Variants in RTTN observed in about 807,000 individuals in gnomAD.
RTTN encodes rotatin.
A neutral mutation model predicts 269.2 loss-of-function variants in RTTN; 182 were observed. The ratio of observed to expected loss-of-function variants is 0.68; its 90% CI spans 0.60 to 0.76. The LOEUF is 0.76. Among genes scored for constraint, RTTN ranks in the 30% least tolerant of loss-of-function variants. The pLI is 0.00. For synonymous variants in RTTN, 1,006 were observed against 963.5 expected (o/e 1.04, Z -0.82); for missense variants, 2,545 against 2,608.6 (o/e 0.98, Z 0.53).
At chr18:70,015,941 C>T (rs1464364749) in intron 46 of RTTN, among the ~76,000 whole-genome samples, 1 of 152,160 alleles carries the variant, frequency 6.6e-6, no homozygotes, top group African/African-American at 2.4e-5. Context: ...TCTCATTGCC[C>T]TGAGGAGGGA....
chr18:70,107,013 A>C (rs79439417), intron 28 of RTTN, among the ~76,000 whole-genome samples: 8,892 of 152,302 alleles, frequency 0.058, 311 homozygotes, highest in East Asian at 0.11. Flanking sequence ...CAGACAGTTT[A>C]TTACCTACAT....
intron 2 of RTTN, among the ~76,000 whole-genome samples, chr18:70,204,563 C>T (rs1211334287): frequency 6.6e-6 from 1 of 152,228 alleles, no homozygotes; most frequent in South Asian, 2.1e-4. Context: ...TGACACTCAC[C>T]TTATGGTCCC....
At chr18:70,047,940 A>C (rs2057538752) in intron 40 of RTTN, 31 bp downstream of exon 40, 9 of 1,545,598 alleles carry the variant, frequency 5.8e-6, no homozygotes, top group Non-Finnish European at 8.0e-6. Flanking sequence ...AACGCTAAAT[A>C]AAGTTTTTGA....
chr18:70,108,220 T>A (rs1315416211), intron 28 of RTTN, among the ~76,000 whole-genome samples: 3 of 151,822 alleles, frequency 2.0e-5, no homozygotes, highest in Non-Finnish European at 2.9e-5. Context: ...GAGGTTGCAG[T>A]GAGCTGAGAT....
chr18:70,137,131 T>C (rs1266760005), intron 21 of RTTN, among the ~76,000 whole-genome samples: 1 of 152,212 alleles, frequency 6.6e-6, no homozygotes, highest in Non-Finnish European at 1.5e-5. Context: ...TTAGAATTTG[T>C]ATAGTTCTAT....
At chr18:70,122,063 A>C (rs1022758358) in intron 25 of RTTN, among the ~76,000 whole-genome samples, 1 of 152,178 alleles carries the variant, frequency 6.6e-6, no homozygotes, top group Admixed American at 6.5e-5. Context: ...TTCACTGATG[A>C]GAAGAATTAG....
rs1427081564 is a variant in RTTN at position 70,184,767 on chromosome 18, C to T, written c.1305+3341G>A. On this transcript the variant is annotated intron_variant, in intron 10 of 48. Transcript: ENST00000640769. ...GTGTGTGTGTGTGTGTGGTGGCGGGCGCCTGTAGTCCCAGCTACTTGGGAG... is the reference window on the plus strand; with the variant it reads ...GTGTGTGTGTGTGTGTGGTGGCGGGTGCCTGTAGTCCCAGCTACTTGGGAG... Among the ~76,000 whole-genome samples the T allele has an allele frequency of 6.1e-4, 58 of 94,674 alleles. 1 individual carries two copies. In the Middle Eastern group the frequency reaches 0.037, roughly 60 times the overall value. 62.1% of individuals were successfully genotyped at this position (94,674 alleles called of 152,430 possible).
At chr18:70,102,332 G>A (rs543873439) in intron 28 of RTTN, among the ~76,000 whole-genome samples, 1 of 152,194 alleles carries the variant, frequency 6.6e-6, no homozygotes, top group East Asian at 1.9e-4. Flanking sequence ...ATTATGTAAT[G>A]GCCTTGTCTC....
chr18:70,115,045 TCAA>T (rs1476920010), intron 26 of RTTN, among the ~76,000 whole-genome samples: 1 of 152,066 alleles, frequency 6.6e-6, no homozygotes, highest in Non-Finnish European at 1.5e-5. Context: ...TGATTGTTTT[TCAA>T]CAATAAGGAT....
chr18:70,009,609 C>A (rs2056307818), intron 46 of RTTN, among the ~76,000 whole-genome samples: 1 of 152,150 alleles, frequency 6.6e-6, no homozygotes, highest in Admixed American at 6.5e-5. Context: ...AAAACCTGTA[C>A]CAGCCACTGC....
chr18:70,066,445 A>T (rs2058137038), intron 34 of RTTN, among the ~76,000 whole-genome samples: 1 of 152,196 alleles, frequency 6.6e-6, no homozygotes. Flanking sequence ...TACAACATTA[A>T]ATATAACAAA....
intron 21 of RTTN, chr18:70,138,651 T>A (rs552260330): frequency 6.6e-6 from 1 of 152,234 alleles, no homozygotes; most frequent in East Asian, 1.9e-4. Context: ...AACGTTATAG[T>A]CCACTCAAAA....
At chr18:70,030,461 T>C (rs760451599) in intron 41 of RTTN, among the ~76,000 whole-genome samples, 7 of 152,194 alleles carry the variant, frequency 4.6e-5, no homozygotes, top group Non-Finnish European at 1.0e-4. Flanking sequence ...AATGAGAAAT[T>C]ACAACACTCA....
In RTTN at chr18:70,148,952, C is replaced by T. The variant is rs2060466626; in HGVS notation, c.2258G>A (p.Cys753Tyr). Reference sequence around the variant, plus strand: ...CAGCATGGACTTTAATCGGGTAGTACACGGAAGCATCTCTTCTGTGTCAGA... The same window carrying T: ...CAGCATGGACTTTAATCGGGTAGTATACGGAAGCATCTCTTCTGTGTCAGA... ...ASSDTEEMLP[C>Y]TTRLKSMLRL... Residue 753 changes from cysteine to tyrosine, a missense_variant, in exon 17 of 49, where the codon TGT (cysteine) becomes TAT (tyrosine). Physicochemically the swap from Cys to Tyr is radical, Grantham distance 194. Coordinates refer to ENST00000640769, the MANE Select transcript of RTTN (RefSeq NM_173630.4). 2 of 1,613,648 alleles carry T rather than the reference C, an allele frequency of 1.2e-6. No individual in the cohort carries two copies. Among genetic ancestry groups the T allele is most frequent in the South Asian group, 1.1e-5 (1 of 91,070 alleles).
At chr18:70,066,483 C>CG (rs2058138525) in intron 34 of RTTN, among the ~76,000 whole-genome samples, 1 of 152,116 alleles carries the variant, frequency 6.6e-6, no homozygotes, top group African/African-American at 2.4e-5. Context: ...ACAATTTCAC[C>CG]TACAGGTTTA....
In RTTN at chr18:70,048,126, G is replaced by A; in HGVS notation, c.5386C>T (p.Gln1796Ter). The change falls in exon 40 of 49, where the codon CAA becomes TAA. Residue 1796 changes from glutamine (Q) to a stop codon, truncating the protein, a stop_gained. Coordinates refer to ENST00000640769, the MANE Select transcript of RTTN (RefSeq NM_173630.4). LOFTEE classifies it high-confidence loss of function. ...TCPALYTASL[Q>*]FLSVLLTEEA... Reference sequence around the variant, plus strand: ...TCGGTCAAGAGAACAGAAAGGAATTGCAAGCTGGCAGTATACAGGGCAGGA... The same window carrying A: ...TCGGTCAAGAGAACAGAAAGGAATTACAAGCTGGCAGTATACAGGGCAGGA... The A allele has an allele frequency of 1.2e-6, 2 of 1,614,132 alleles. No homozygotes were observed. The highest frequency in any genetic ancestry group is 1.7e-6 in the Non-Finnish European group (2 of 1,179,994).
intron 42 of RTTN, among the ~76,000 whole-genome samples, chr18:70,029,163 CAAA>C (rs35814962): frequency 5.1e-4 from 58 of 112,694 alleles, no homozygotes; most frequent in Non-Finnish European, 6.0e-4. Flanking sequence ...GGAAAAGAGG[CAAA>C]AAAAAAAAAA....
At chr18:70,175,184 T>C (rs2061260623) in intron 11 of RTTN, among the ~76,000 whole-genome samples, 1 of 152,038 alleles carries the variant, frequency 6.6e-6, no homozygotes, top group African/African-American at 2.4e-5. Context: ...CAAAATGTTT[T>C]TTAAATGAAC....
intron 32 of RTTN, among the ~76,000 whole-genome samples, chr18:70,084,726 T>C (rs1263515052): frequency 6.6e-6 from 1 of 152,118 alleles, no homozygotes; most frequent in Non-Finnish European, 1.5e-5. Flanking sequence ...CTAGCAAAAG[T>C]TGTAATCAAC....
Sources: gnomAD v4.1 joint callset for allele counts (sites outside exome capture counted in the v4.1 genomes callset) on GRCh38, gnomAD v4.1.1 for gene constraint, MANE v1.5 for transcripts, NCBI Gene and HGNC (gene_info 2026-07-23, HGNC 2026-07-21) for gene names.